ZNF324B: variants seen among roughly 807,000 people sequenced by gnomAD.
ZNF324B encodes zinc finger protein 324B.
In ZNF324B, 7 loss-of-function variants were observed where a neutral mutation model predicts 10.6. That is an observed-to-expected ratio of 0.66 (90% CI 0.38 to 1.24). ZNF324B has a LOEUF of 1.24. Among genes scored for constraint, ZNF324B ranks in the 50% most tolerant of loss-of-function variants. The pLI is 0.02. For missense variants in ZNF324B, 640 were observed against 764.7 expected (o/e 0.84, Z 1.92); for synonymous variants, 316 against 321.0 (o/e 0.98, Z 0.17).
chr19:58,434,853 A>C, the ZNF324B span: 2 of 1,614,140 alleles, frequency 1.2e-6, no homozygotes, highest in Non-Finnish European at 1.7e-6. Flanking sequence ...TGACCTTCCC[A>C]CCTTCCCTGC....
chr19:58,429,252 C>T, the ZNF324B span: 3 of 152,212 alleles, frequency 2.0e-5, no homozygotes, highest in Non-Finnish European at 2.9e-5. Flanking sequence ...GGTGGCTAAA[C>T]ATTAAGGCCT....
chr19:58,439,955 T>A, the ZNF324B span: 1 of 895,634 alleles, frequency 1.1e-6, no homozygotes, highest in Middle Eastern at 3.1e-4. Flanking sequence ...GGACGAAGGC[T>A]GGGTATGGAG....
chr19:58,434,321 A>G, the ZNF324B span: 2 of 1,614,230 alleles, frequency 1.2e-6, no homozygotes, highest in South Asian at 2.2e-5. Context: ...AGGCACTCAA[A>G]AGGCCTTTCT....
the ZNF324B span, among the ~76,000 whole-genome samples, chr19:58,424,573 GACAA>G: frequency 2.0e-5 from 3 of 152,130 alleles, no homozygotes; most frequent in East Asian, 5.8e-4. Flanking sequence ...AAATGAAAAA[GACAA>G]ACATACAAAT....
Position 58,455,104 on chromosome 19 carries a change from C to CT in ZNF324B, c.239-79_239-78insT, listed in dbSNP as rs2052901237. 6.3e-7 allele frequency: 1 copy of CT among 1,579,922 alleles called. No individual in the cohort carries two copies. The highest frequency in any genetic ancestry group is 1.5e-5 in the African/African-American group (1 of 64,754). On this transcript the variant is annotated intron_variant, in intron 3 of 3. Coordinates refer to ENST00000336614, the MANE Select transcript of ZNF324B (RefSeq NM_207395.3). The surrounding 1 kb of genome is among the most constrained non-coding windows in gnomAD (Gnocchi z 7.0). ...GCTTTTGTCCCGGCTCCTGGGCTCC[C>CT]CCTTGCCTGTCCACTCAGCCTGCCC...
At chr19:58,420,436 T>G in the ZNF324B span, among the ~76,000 whole-genome samples, 27 of 151,246 alleles carry the variant, frequency 1.8e-4, no homozygotes, top group East Asian at 5.9e-4. Flanking sequence ...AAAAAAAATT[T>G]GGGAGTAGGG....
At chr19:58,445,120 T>C in the ZNF324B span, 1 of 292,640 alleles carries the variant, frequency 3.4e-6, no homozygotes, top group Admixed American at 5.3e-5. Context: ...GAGTTCTGCT[T>C]TCATTAGCAA....
upstream of ZNF324B, among the ~76,000 whole-genome samples, chr19:58,451,317 T>G (rs1376075277): frequency 6.6e-6 from 1 of 152,230 alleles, no homozygotes; most frequent in African/African-American, 2.4e-5. Context: ...CTTTCACACC[T>G]GCAGGGTTTA....
the ZNF324B span, among the ~76,000 whole-genome samples, chr19:58,426,292 C>T: frequency 6.6e-6 from 1 of 152,186 alleles, no homozygotes; most frequent in Non-Finnish European, 1.5e-5. Flanking sequence ...CATTGTCTGC[C>T]ATCCGTGTAT....
At position 58,455,050 on chromosome 19, in the gene ZNF324B, A is replaced by C; in HGVS notation, c.239-133A>C. ...CTCCAAACCCCAGCCCCTCCTGCAG[A>C]GCCAGCCTCACCTCTTCTTTTTCCC... is the stretch of plus-strand genomic sequence containing the variant. On this transcript the variant is annotated intron_variant, in intron 3 of 3. Transcript: ENST00000336614. The surrounding 1 kb of genome is among the most constrained non-coding windows in gnomAD (Gnocchi z 7.0). The C allele has an allele frequency of 8.0e-7, 1 of 1,250,446 alleles. No individual in the cohort carries two copies. Among genetic ancestry groups the C allele is most frequent in the South Asian group, 1.2e-5 (1 of 81,976 alleles). 77.5% of individuals were successfully genotyped at this position (1,250,446 alleles called of 1,614,324 possible). A position where few individuals can be genotyped will look rare whatever the true frequency, so the allele number is the denominator to read the frequency against.
At chr19:58,421,207 A>G in the ZNF324B span, among the ~76,000 whole-genome samples, 5 of 151,994 alleles carry the variant, frequency 3.3e-5, no homozygotes, top group African/African-American at 7.3e-5. Context: ...AGCGTCTTCA[A>G]CCTGCTCTGG....
rs538460225 is a variant in ZNF324B, at chr19:58,454,967, C to T, written c.239-216C>T. On this transcript the variant is annotated intron_variant, in intron 3 of 3. Coordinates refer to ENST00000336614, the MANE Select transcript of ZNF324B (RefSeq NM_207395.3). ...CATCCTGGGTGTCTGGGGGCTGCCGCCTTGATCATGGGAGTCCCCACTGCA... is the reference window on the plus strand; with the variant it reads ...CATCCTGGGTGTCTGGGGGCTGCCGTCTTGATCATGGGAGTCCCCACTGCA... 55 of 720,602 alleles carry T rather than the reference C, an allele frequency of 7.6e-5. No homozygotes were observed. The East Asian group carries it at 1.4e-3, about 19-fold the overall frequency. 44.6% of individuals were successfully genotyped at this position (720,602 alleles called of 1,614,324 possible). A position where few individuals can be genotyped will look rare whatever the true frequency, so the allele number is the denominator to read the frequency against.
the ZNF324B span, chr19:58,433,493 G>A: frequency 3.7e-6 from 6 of 1,613,834 alleles, no homozygotes; most frequent in African/African-American, 8.0e-5. Context: ...GGCCTTTCTT[G>A]TGTGTGAACT....
Position 58,454,838 on chromosome 19 carries a change from G to A in ZNF324B, c.239-345G>A, listed in dbSNP as rs2052897338. 8 of 527,124 alleles carry A rather than the reference G, an allele frequency of 1.5e-5. 1 individual carries two copies. The highest frequency in any genetic ancestry group is 1.2e-4 in the South Asian group (6 of 49,502). 32.7% of individuals were successfully genotyped at this position (527,124 alleles called of 1,614,324 possible). A position where few individuals can be genotyped will look rare whatever the true frequency, so the allele number is the denominator to read the frequency against. ...AGGTTTGGGAGTGGGTGCCCAAGAC[G>A]GGGCACCAGGGGAGAAGGGAGTGAG... On this transcript the variant is annotated intron_variant, in intron 3 of 3. Coordinates refer to ENST00000336614, the MANE Select transcript of ZNF324B (RefSeq NM_207395.3).
At position 58,455,667 on chromosome 19, in the gene ZNF324B, G is replaced by T. The variant is rs766716157; in HGVS notation, c.723G>T (p.Ser241=). 2 of 1,613,536 alleles carry T rather than the reference G, an allele frequency of 1.2e-6. No homozygotes were observed. The highest frequency in any genetic ancestry group is 2.2e-5 in the South Asian group (2 of 91,046). ...PHRLLGGQEP[S]TWDELGEALH... is the part of the protein sequence containing the mutation. ...GACTCCTCGGTGGCCAGGAGCCCTC[G>T]ACCTGGGACGAGCTGGGCGAGGCTC... The change falls in exon 4 of 4, where the codon TCG becomes TCT. Residue 241 remains serine (S), a synonymous_variant. Coordinates refer to ENST00000336614, the MANE Select transcript of ZNF324B (RefSeq NM_207395.3). The surrounding 1 kb of genome is among the most constrained non-coding windows in gnomAD (Gnocchi z 7.0).
chr19:58,446,694 A>G (rs1243278053), upstream of ZNF324B, among the ~76,000 whole-genome samples: 1 of 144,544 alleles, frequency 6.9e-6, no homozygotes, highest in Non-Finnish European at 1.5e-5. Flanking sequence ...CCCCTGCCTC[A>G]GCCTCCCAAG....
At chr19:58,435,348 G>A in the ZNF324B span, 1 of 934,932 alleles carries the variant, frequency 1.1e-6, no homozygotes, top group Non-Finnish European at 1.6e-6. Flanking sequence ...GCCATCATCA[G>A]GGTGAAGAAG....
intron 1 of ZNF324B, among the ~76,000 whole-genome samples, 169 bp from the exon 2 acceptor site, chr19:58,453,527 G>C (rs893328202): frequency 1.3e-5 from 2 of 152,170 alleles, no homozygotes; most frequent in African/African-American, 4.8e-5. Context: ...CAGGAGGGCA[G>C]AGGGGAGGGG....
chr19:58,427,504 T>TTTTC, the ZNF324B span, among the ~76,000 whole-genome samples: 3,716 of 104,414 alleles, frequency 0.036, 151 homozygotes, highest in Non-Finnish European at 0.046. Flanking sequence ...CTTTCTTTCT[T>TTTTC]TTTCTTTCTT....
Sources: gnomAD v4.1 joint callset for allele counts (sites outside exome capture counted in the v4.1 genomes callset) on GRCh38, gnomAD v4.1.1 for gene constraint, Gnocchi (gnomAD v3.1) non-coding constraint, MANE v1.5 for transcripts, NCBI Gene and HGNC (gene_info 2026-07-23, HGNC 2026-07-21) for gene names.